The following CLSTN2 variants were observed in gnomAD, a reference collection of about 807,000 sequenced individuals.
CLSTN2 encodes calsyntenin 2, also known as calsyntenin-2.
In CLSTN2, 48 loss-of-function variants were observed where a neutral mutation model predicts 101.2. The observed-to-expected ratio is 0.47, with a 90% CI of 0.38 to 0.60. The LOEUF is 0.60. CLSTN2 is among the 20% of genes least tolerant of loss of function. CLSTN2 has a pLI of 0.00. For synonymous variants in CLSTN2, 481 were observed against 463.6 expected (o/e 1.04, Z -0.48); for missense variants, 1,160 against 1,238.2 (o/e 0.94, Z 0.95).
intron 1 of CLSTN2, among the ~76,000 whole-genome samples, chr3:140,055,598 G>C (rs1366095584): frequency 6.6e-6 from 1 of 152,200 alleles, no homozygotes; most frequent in African/African-American, 2.4e-5. Flanking sequence ...ACAGGGTTGT[G>C]GTGGGGATTA....
intron 8 of CLSTN2, among the ~76,000 whole-genome samples, chr3:140,489,112 T>C (rs1934292214): frequency 6.6e-6 from 1 of 152,004 alleles, no homozygotes; most frequent in Non-Finnish European, 1.5e-5. Context: ...GGGAGAGAGG[T>C]GAAGACTGTA....
chr3:140,171,616 A>G (rs1576454222), intron 1 of CLSTN2, among the ~76,000 whole-genome samples: 1 of 132,908 alleles, frequency 7.5e-6, no homozygotes, highest in South Asian at 2.2e-4. Context: ...TGCATTATAT[A>G]TTATATAATA....
chr3:140,215,465 G>T (rs1337268514), intron 2 of CLSTN2, among the ~76,000 whole-genome samples: 21 of 152,178 alleles, frequency 1.4e-4, no homozygotes. Flanking sequence ...CATGATAGTT[G>T]TTTCTGTGCA....
At chr3:140,424,771 G>A (rs749594838) in intron 5 of CLSTN2, among the ~76,000 whole-genome samples, 4 of 152,206 alleles carry the variant, frequency 2.6e-5, no homozygotes, top group Non-Finnish European at 5.9e-5. Context: ...AACATAGAGA[G>A]GGGAGAACAT....
intron 1 of CLSTN2, among the ~76,000 whole-genome samples, chr3:140,161,422 T>G (rs927752100): frequency 6.6e-6 from 1 of 152,202 alleles, no homozygotes; most frequent in Admixed American, 6.5e-5. Context: ...ATTATTCTCC[T>G]GACAGCATGC....
At position 140,416,171 on chromosome 3, in the gene CLSTN2, T is replaced by C. The variant is rs556001077; in HGVS notation, c.638-4954T>C. 2.2e-4 allele frequency among the ~76,000 whole-genome samples: 33 copies of C among 152,100 alleles called. 1 individual carries two copies. The highest frequency in any genetic ancestry group is 7.0e-4 in the African/African-American group (29 of 41,476). ...TCTTAAAAGGTTGAACTCACAGAAA[T>C]AGAGAGTAGAATGGTGGTTGCCAGG... On this transcript the variant is annotated intron_variant, in intron 4 of 16. Transcript: ENST00000458420.
chr3:140,227,832 A>C (rs1044266684), intron 2 of CLSTN2, among the ~76,000 whole-genome samples: 2 of 152,208 alleles, frequency 1.3e-5, no homozygotes, highest in African/African-American at 4.8e-5. Context: ...TAACAGGCTG[A>C]GCTGTACCTT....
intron 1 of CLSTN2, among the ~76,000 whole-genome samples, chr3:139,989,614 T>C (rs773155058): frequency 1.2e-4 from 19 of 152,174 alleles, no homozygotes; most frequent in Admixed American, 2.6e-4. Flanking sequence ...TCCCCATGCC[T>C]CTGGATTTCT....
intron 12 of CLSTN2, among the ~76,000 whole-genome samples, chr3:140,559,091 C>T (rs908149217): frequency 5.3e-5 from 8 of 151,200 alleles, no homozygotes; most frequent in African/African-American, 1.9e-4. Flanking sequence ...CGCATTTGTG[C>T]TAAATGGTAA....
At chr3:140,479,716 A>G (rs1035613029) in intron 8 of CLSTN2, among the ~76,000 whole-genome samples, 3 of 152,230 alleles carry the variant, frequency 2.0e-5, no homozygotes, top group Middle Eastern at 3.2e-3. Flanking sequence ...GATTTCGCAC[A>G]TAAGAGAATA....
intron 2 of CLSTN2, among the ~76,000 whole-genome samples, chr3:140,384,789 A>G (rs1208606551): frequency 2.0e-5 from 3 of 152,236 alleles, no homozygotes; most frequent in African/African-American, 7.2e-5. Flanking sequence ...AGCTCAAAAT[A>G]TGGATTTTCC....
intron 2 of CLSTN2, among the ~76,000 whole-genome samples, chr3:140,325,297 C>T (rs1238815490): frequency 6.6e-6 from 1 of 152,180 alleles, no homozygotes; most frequent in African/African-American, 2.4e-5. Flanking sequence ...GCAGTGACTT[C>T]CCAGCAGTGG....
chr3:140,274,156 C>T (rs1184247510), intron 2 of CLSTN2, among the ~76,000 whole-genome samples: 3 of 152,270 alleles, frequency 2.0e-5, no homozygotes, highest in Middle Eastern at 3.4e-3. Context: ...CTTTTGGCTC[C>T]TCCCATGTGC....
At chr3:139,998,335 C>CTTTTTTTT (rs1290360293) in intron 1 of CLSTN2, among the ~76,000 whole-genome samples, 2 of 20,432 alleles carry the variant, frequency 9.8e-5, no homozygotes, top group Non-Finnish European at 1.6e-4. Flanking sequence ...CCCCCACATG[C>CTTTTTTTT]CTTTTTTTTT....
intron 2 of CLSTN2, among the ~76,000 whole-genome samples, chr3:140,347,106 G>A (rs1337729769): frequency 6.6e-6 from 1 of 152,214 alleles, no homozygotes; most frequent in Non-Finnish European, 1.5e-5. Flanking sequence ...GTTTTCTCCT[G>A]AGAGTCATAC....
At chr3:140,004,987 C>T (rs1159318878) in intron 1 of CLSTN2, among the ~76,000 whole-genome samples, 1 of 152,154 alleles carries the variant, frequency 6.6e-6, no homozygotes, top group Non-Finnish European at 1.5e-5. Context: ...AGTGCTGTTG[C>T]ATTAGGTGGT....
In CLSTN2 at chr3:140,309,285, A is replaced by G. The variant is rs551919756; in HGVS notation, c.233-94344A>G. On this transcript the variant is annotated intron_variant, in intron 2 of 16. Transcript: ENST00000458420. ...GGAAGGCCAAGTAGGACATGTAGAC[A>G]GAGGGGCAGTGAAGGACCAGAGGTG... 5.3e-5 allele frequency among the ~76,000 whole-genome samples: 8 copies of G among 152,270 alleles called. No individual in the cohort carries two copies. In the South Asian group the frequency reaches 1.2e-3, roughly 24 times the overall value.
At chr3:140,388,952 C>G (rs1250216211) in intron 2 of CLSTN2, among the ~76,000 whole-genome samples, 2 of 152,128 alleles carry the variant, frequency 1.3e-5, no homozygotes, top group Admixed American at 1.3e-4. Flanking sequence ...TTTTTTGCAT[C>G]TGTTGAAATG....
intron 1 of CLSTN2, among the ~76,000 whole-genome samples, chr3:140,105,703 T>A (rs1206735410): frequency 1.3e-5 from 2 of 152,162 alleles, no homozygotes; most frequent in Non-Finnish European, 2.9e-5. Flanking sequence ...GGCCCCAGCT[T>A]TCCAATGACT....
Sources: gnomAD v4.1 joint callset for allele counts (sites outside exome capture counted in the v4.1 genomes callset) on GRCh38, gnomAD v4.1.1 for gene constraint, MANE v1.5 for transcripts, NCBI Gene and HGNC (gene_info 2026-07-23, HGNC 2026-07-21) for gene names.